Variants in AGBL4 observed in about 807,000 individuals in gnomAD.
AGBL4 encodes the protein AGBL carboxypeptidase 4.
A neutral mutation model predicts 66.4 loss-of-function variants in AGBL4; 58 were observed. The observed-to-expected ratio is 0.87, with a 90% CI of 0.71 to 1.09. The LOEUF (loss-of-function observed/expected upper bound fraction) is 1.09. Ranked by LOEUF, AGBL4 falls within the 50% of genes least tolerant of loss-of-function variation. The pLI is 0.00. For synonymous variants in AGBL4, 234 were observed against 222.9 expected (o/e 1.05, Z -0.44); for missense variants, 579 against 631.0 (o/e 0.92, Z 0.88).
At chr1:48,906,916 ACTGT>A (rs1301234586) in intron 5 of AGBL4, among the ~76,000 whole-genome samples, 3 of 152,190 alleles carry the variant, frequency 2.0e-5, no homozygotes, top group African/African-American at 4.8e-5. Context: ...AAACCACTTC[ACTGT>A]CTGTACATCT....
chr1:49,589,702 C>T (rs1644717481), intron 3 of AGBL4, among the ~76,000 whole-genome samples: 1 of 152,008 alleles, frequency 6.6e-6, no homozygotes, highest in Admixed American at 6.6e-5. Flanking sequence ...AGAGACAATG[C>T]TGGTTTATTA....
chr1:49,046,758 A>C (rs537417357), intron 4 of AGBL4, among the ~76,000 whole-genome samples: 1 of 152,222 alleles, frequency 6.6e-6, no homozygotes, highest in East Asian at 1.9e-4. Context: ...GTTCAGCTCC[A>C]CATTTTGTGT....
intron 3 of AGBL4, among the ~76,000 whole-genome samples, chr1:49,665,289 T>G (rs757475685): frequency 2.0e-5 from 3 of 152,122 alleles, no homozygotes; most frequent in Non-Finnish European, 4.4e-5. Flanking sequence ...ATGGCCTGTT[T>G]TTTTTGTTTT....
intron 2 of AGBL4, among the ~76,000 whole-genome samples, chr1:49,775,398 T>C (rs1392965110): frequency 6.6e-6 from 1 of 152,182 alleles, no homozygotes; most frequent in African/African-American, 2.4e-5. Context: ...GTTCAAAATG[T>C]TAGTTTTTAA....
chr1:48,680,525 C>T (rs12729782), intron 6 of AGBL4, among the ~76,000 whole-genome samples: 1 of 152,204 alleles, frequency 6.6e-6, no homozygotes, highest in Admixed American at 6.5e-5. Flanking sequence ...CAATCACTCC[C>T]CGACCCTGTC....
intron 2 of AGBL4, among the ~76,000 whole-genome samples, chr1:49,699,635 C>T (rs955148354): frequency 5.3e-5 from 8 of 151,544 alleles, no homozygotes; most frequent in South Asian, 2.1e-4. Flanking sequence ...ATAAGCCAGA[C>T]GCAAAAAGAA....
intron 4 of AGBL4, among the ~76,000 whole-genome samples, chr1:49,123,645 G>A: frequency 6.6e-6 from 1 of 152,078 alleles, no homozygotes; most frequent in East Asian, 1.9e-4. Flanking sequence ...AGGATGTGGT[G>A]GAGACTGTTG....
intron 7 of AGBL4, among the ~76,000 whole-genome samples, chr1:48,661,998 ATACAAGCTGG>A (rs1201093010): frequency 6.6e-6 from 1 of 152,210 alleles, no homozygotes; most frequent in African/African-American, 2.4e-5. Context: ...GTCATGCATC[ATACAAGCTGG>A]TCGGCTTTGG....
chr1:48,976,185 C>T (rs1571142492), intron 5 of AGBL4, among the ~76,000 whole-genome samples: 1 of 152,008 alleles, frequency 6.6e-6, no homozygotes, highest in East Asian at 1.9e-4. Context: ...AAAGAGTACC[C>T]ACTGCAGAGG....
chr1:49,426,279 A>T (rs1221938335), intron 3 of AGBL4, among the ~76,000 whole-genome samples: 1 of 152,224 alleles, frequency 6.6e-6, no homozygotes, highest in East Asian at 1.9e-4. Context: ...GATTATGGGT[A>T]CATGAGGTAA....
intron 3 of AGBL4, among the ~76,000 whole-genome samples, chr1:49,531,507 A>C (rs1235790899): frequency 6.6e-6 from 1 of 152,170 alleles, no homozygotes; most frequent in Non-Finnish European, 1.5e-5. Context: ...AAACAGTCAT[A>C]AACTTACAAT....
chr1:49,839,989 G>T (rs79762242), intron 2 of AGBL4, among the ~76,000 whole-genome samples: 4,185 of 152,196 alleles, frequency 0.027, 161 homozygotes, highest in African/African-American at 0.095. Flanking sequence ...CTGTGATAAA[G>T]GGTGAGATTA....
intron 8 of AGBL4, among the ~76,000 whole-genome samples, chr1:48,649,158 C>T (rs1570126659): frequency 6.6e-6 from 1 of 152,094 alleles, no homozygotes; most frequent in South Asian, 2.1e-4. Flanking sequence ...AAAGTGAAGA[C>T]AATCATTAAA....
chr1:49,824,183 G>C (rs1028143371), intron 2 of AGBL4, among the ~76,000 whole-genome samples: 1 of 152,086 alleles, frequency 6.6e-6, no homozygotes, highest in African/African-American at 2.4e-5. Context: ...ACTCCAGCCT[G>C]GGCAACAAGA....
At chr1:49,741,787 C>T (rs1176707853) in intron 2 of AGBL4, among the ~76,000 whole-genome samples, 2 of 152,198 alleles carry the variant, frequency 1.3e-5, no homozygotes, top group Non-Finnish European at 2.9e-5. Context: ...TAAACAGAAC[C>T]AAAGACAAAA....
intron 6 of AGBL4, among the ~76,000 whole-genome samples, chr1:48,797,137 G>A (rs1645697521): frequency 6.6e-6 from 1 of 152,212 alleles, no homozygotes; most frequent in African/African-American, 2.4e-5. Flanking sequence ...GTAGTAAAAT[G>A]TTAACCTTTC....
intron 1 of AGBL4, among the ~76,000 whole-genome samples, chr1:49,897,245 T>C (rs1649315879): frequency 6.6e-6 from 1 of 151,938 alleles, no homozygotes; most frequent in South Asian, 2.1e-4. Context: ...TTAGAACTGA[T>C]AAATTCAGTA....
intron 6 of AGBL4, among the ~76,000 whole-genome samples, chr1:48,786,480 A>T (rs1215756296): frequency 1.3e-5 from 2 of 152,176 alleles, no homozygotes; most frequent in Admixed American, 6.5e-5. Context: ...TGACTATGGG[A>T]TTTAATCCCT....
chr1:48,806,848 G>A (rs1274204054), intron 6 of AGBL4, among the ~76,000 whole-genome samples: 3 of 152,184 alleles, frequency 2.0e-5, no homozygotes, highest in South Asian at 2.1e-4. Context: ...TTTGGATTGT[G>A]GCAAGATGAA....
Sources: gnomAD v4.1 joint callset for allele counts (sites outside exome capture counted in the v4.1 genomes callset) on GRCh38, gnomAD v4.1.1 for gene constraint, MANE v1.5 for transcripts, NCBI Gene and HGNC (gene_info 2026-07-23, HGNC 2026-07-21) for gene names.